The following HYCC2 variants were observed in gnomAD, a reference collection of about 807,000 sequenced individuals.
HYCC2 encodes the protein hyccin PI4KA lipid kinase complex subunit 2, also known as hyccin 2.
chr2:201,046,428 G>A, the HYCC2 span, among the ~76,000 whole-genome samples: 11 of 152,102 alleles, frequency 7.2e-5, no homozygotes, highest in Non-Finnish European at 1.2e-4. Flanking sequence ...TGCAGTGGGG[G>A]GGAAGAACTT....
chr2:201,002,682 C>T, the HYCC2 span, among the ~76,000 whole-genome samples: 3 of 151,978 alleles, frequency 2.0e-5, no homozygotes, highest in African/African-American at 7.3e-5. Context: ...CCTGCCACCA[C>T]GCCCAGCTAA....
the HYCC2 span, among the ~76,000 whole-genome samples, chr2:201,051,322 A>G: frequency 7.9e-3 from 1,204 of 152,314 alleles, 13 homozygotes; most frequent in African/African-American, 0.026. Context: ...AGAGATGACC[A>G]TTATCACCAC....
At chr2:201,009,031 T>C in the HYCC2 span, 1 of 1,613,936 alleles carries the variant, frequency 6.2e-7, no homozygotes, top group Non-Finnish European at 8.5e-7. Flanking sequence ...ACAACTCTGA[T>C]GAGATCATGC....
chr2:201,035,541 G>A, the HYCC2 span, among the ~76,000 whole-genome samples: 2 of 152,034 alleles, frequency 1.3e-5, no homozygotes, highest in African/African-American at 4.8e-5. Context: ...TTTGCCACGG[G>A]TTCGAACTTC....
At chr2:201,047,453 T>TATATATATATAC in the HYCC2 span, among the ~76,000 whole-genome samples, 1 of 150,366 alleles carries the variant, frequency 6.7e-6, no homozygotes, top group Non-Finnish European at 1.5e-5. Flanking sequence ...CTCATATATA[T>TATATATATATAC]ATATATATAT....
the HYCC2 span, among the ~76,000 whole-genome samples, chr2:201,000,960 C>T: frequency 9.3e-5 from 14 of 150,030 alleles, no homozygotes; most frequent in African/African-American, 3.4e-4. Context: ...ATAGTGAAAC[C>T]CTGTCTCTAC....
At chr2:201,053,558 G>A in the HYCC2 span, among the ~76,000 whole-genome samples, 2 of 152,186 alleles carry the variant, frequency 1.3e-5, no homozygotes, top group Admixed American at 6.5e-5. Flanking sequence ...CTAGCCTAAT[G>A]AATAGACATA....
the HYCC2 span, among the ~76,000 whole-genome samples, chr2:201,000,245 A>G: frequency 2.6e-5 from 4 of 151,726 alleles, no homozygotes; most frequent in Non-Finnish European, 5.9e-5. Flanking sequence ...CCATGGTGGT[A>G]GTCCTAGTTA....
the HYCC2 span, among the ~76,000 whole-genome samples, chr2:201,009,862 G>A: frequency 3.4e-4 from 51 of 151,688 alleles, no homozygotes; most frequent in Non-Finnish European, 6.2e-4. Context: ...CCAGCACTTC[G>A]GGAGGCCAAG....
At chr2:201,064,546 T>C in the HYCC2 span, among the ~76,000 whole-genome samples, 1 of 152,180 alleles carries the variant, frequency 6.6e-6, no homozygotes, top group East Asian at 1.9e-4. Context: ...CTTGGTGTAG[T>C]TGAACTGATA....
chr2:201,045,948 TTTTC>T, the HYCC2 span, among the ~76,000 whole-genome samples: 2 of 152,108 alleles, frequency 1.3e-5, no homozygotes, highest in Admixed American at 6.6e-5. Context: ...TTACAGTGAT[TTTTC>T]TTTCTCTCTC....
chr2:201,065,947 G>C, the HYCC2 span, among the ~76,000 whole-genome samples: 34 of 152,170 alleles, frequency 2.2e-4, no homozygotes, highest in African/African-American at 7.9e-4. Flanking sequence ...AGAACCTTAA[G>C]GAACAGAAAC....
chr2:200,982,556 G>A, the HYCC2 span, among the ~76,000 whole-genome samples: 2 of 152,050 alleles, frequency 1.3e-5, no homozygotes, highest in African/African-American at 4.8e-5. Flanking sequence ...TTAATGTGAA[G>A]AAAATATCAG....
the HYCC2 span, among the ~76,000 whole-genome samples, chr2:201,021,235 T>G: frequency 6.6e-6 from 1 of 152,202 alleles, no homozygotes; most frequent in Non-Finnish European, 1.5e-5. Flanking sequence ...CTATAGAATT[T>G]ATCATTCTAT....
the HYCC2 span, among the ~76,000 whole-genome samples, chr2:201,004,278 T>A: frequency 6.6e-6 from 1 of 152,188 alleles, no homozygotes; most frequent in Admixed American, 6.5e-5. Flanking sequence ...GTAGGATATG[T>A]CAATGCACAT....
chr2:201,044,913 A>G, the HYCC2 span, among the ~76,000 whole-genome samples: 1 of 152,204 alleles, frequency 6.6e-6, no homozygotes, highest in East Asian at 1.9e-4. Flanking sequence ...GTGCTCTCAA[A>G]GGTTTCTTGT....
At chr2:201,005,238 A>G in the HYCC2 span, among the ~76,000 whole-genome samples, 1 of 152,100 alleles carries the variant, frequency 6.6e-6, no homozygotes, top group Non-Finnish European at 1.5e-5. Context: ...GAGCGGGGCC[A>G]AGGGAGGGCC....
the HYCC2 span, chr2:200,988,454 C>A: frequency 4.5e-6 from 7 of 1,547,726 alleles, no homozygotes; most frequent in Non-Finnish European, 6.2e-6. Context: ...TACAAGTTTA[C>A]AATCAATATG....
chr2:201,045,275 C>T, the HYCC2 span, among the ~76,000 whole-genome samples: 4 of 151,926 alleles, frequency 2.6e-5, no homozygotes, highest in African/African-American at 9.7e-5. Context: ...TTCAATTCTT[C>T]AATAAAGTTT....
Sources: allele counts gnomAD v4.1 joint callset (sites outside exome capture counted in the v4.1 genomes callset), GRCh38; gene constraint gnomAD v4.1.1; transcripts MANE v1.5; gene names NCBI Gene and HGNC (gene_info 2026-07-23, HGNC 2026-07-21).